Variants in OGT observed in about 807,000 individuals in gnomAD.
OGT encodes UDP-N-acetylglucosamine--peptide N-acetylglucosaminyltransferase 110 kDa subunit.
Under a neutral mutation model 75.8 loss-of-function variants are expected in OGT, and 3 were observed. The observed-to-expected ratio is 0.04, with a 90% CI of 0.02 to 0.10. OGT has a LOEUF of 0.10. OGT is among the 10% of genes least tolerant of loss of function. The pLI is 1.00. For missense variants in OGT, 260 were observed against 824.4 expected (o/e 0.32, Z 8.38); for synonymous variants, 257 against 289.7 (o/e 0.89, Z 1.15).
intron 3 of OGT, among the ~76,000 whole-genome samples, chrX:71,540,316 C>T (rs1401370604): frequency 1.8e-5 from 2 of 112,184 alleles, no homozygotes; most frequent in African/African-American, 3.2e-5. Context: ...TAGAACCTTG[C>T]GTCTGTTCCT....
Position 71,554,563 on chromosome X carries a change from T to C in OGT, c.699T>C (p.Asn233=). 3 of 1,209,101 alleles carry C rather than the reference T, an allele frequency of 2.5e-6. No homozygotes were observed. Among genetic ancestry groups the C allele is most frequent in the Non-Finnish European group, 3.4e-6 (3 of 893,150 alleles). ...NFLDAYINLG[N]VLKEARIFDR... is the part of the protein sequence containing the mutation. ...TGGATGCTTATATCAATTTAGGAAA[T>C]GTCTTGAAAGAGGCACGCATTTTTG... Residue 233 remains asparagine, a synonymous_variant, in exon 6 of 22, where the codon AAT becomes AAC. Transcript: ENST00000373719.
chrX:71,552,124 A>G (rs2040309057), intron 5 of OGT, among the ~76,000 whole-genome samples: 1 of 108,788 alleles, frequency 9.2e-6, no homozygotes, highest in Admixed American at 9.8e-5. Flanking sequence ...TAGGAGGCTG[A>G]GGCAGGAGAA....
At position 71,539,083 on chromosome X, in the gene OGT, C is replaced by T. The variant is rs187102894; in HGVS notation, c.462+1011C>T. Reference sequence around the variant, plus strand: ...TATTAATAGATATTAAAACCTGAGTCTGAATATCCTCAAAGCAAATGTTGA... The same window carrying T: ...TATTAATAGATATTAAAACCTGAGTTTGAATATCCTCAAAGCAAATGTTGA... On this transcript the variant is annotated intron_variant, in intron 3 of 21. Coordinates refer to ENST00000373719, the MANE Select transcript of OGT (RefSeq NM_181672.3). Among the ~76,000 whole-genome samples, 4 of 112,323 alleles carry T rather than the reference C, an allele frequency of 3.6e-5. No individual in the cohort carries two copies. In the East Asian group the frequency reaches 1.1e-3, roughly 31 times the overall value.
At chrX:71,570,666 CTTA>C (rs1225562497) in intron 21 of OGT, among the ~76,000 whole-genome samples, 1 of 111,314 alleles carries the variant, frequency 9.0e-6, no homozygotes, top group Non-Finnish European at 1.9e-5. Context: ...ATGTTAGCTA[CTTA>C]TTATTTTCAG....
At chrX:71,533,820 C>A (rs1318446941) in intron 1 of OGT, among the ~76,000 whole-genome samples, 6 of 109,741 alleles carry the variant, frequency 5.5e-5, no homozygotes, top group Non-Finnish European at 1.1e-4. Context: ...GGGTGCCGTT[C>A]CGATGTAATC....
At chrX:71,573,510 T>G in intron 21 of OGT, 110 bp from the exon 22 acceptor site, 2 of 573,009 alleles carry the variant, frequency 3.5e-6, no homozygotes, top group South Asian at 6.9e-5. Context: ...TGAGATAGCG[T>G]AGAGTTTGGT....
chrX:71,563,420 T>A lies in OGT; in HGVS notation c.2357T>A (p.Val786Asp). 1 of 1,206,341 alleles carries A rather than the reference T, an allele frequency of 8.3e-7. No individual in the cohort carries two copies. Among genetic ancestry groups the A allele is most frequent in the Non-Finnish European group, 1.1e-6 (1 of 890,684 alleles). ...CCTATGAATACTATTGCAGAAGCAGTTATTGAAATGATTAACCGAGGACAG... is the reference window on the plus strand; with the variant it reads ...CCTATGAATACTATTGCAGAAGCAGATATTGAAATGATTAACCGAGGACAG... ...VIPMNTIAEA[V>D]IEMINRGQIQ... Residue 786 changes from valine to aspartate, a missense_variant, in exon 18 of 22, where the codon GTT becomes GAT. This residue lies in a region of OGT where 79 missense variants were observed against 141.0 expected (regional missense o/e 0.56). Transcript: ENST00000373719.
chrX:71,555,174 G>A lies in OGT; in HGVS notation c.729-16G>A, dbSNP rs1485256805. 21 of 1,131,184 alleles carry A rather than the reference G, an allele frequency of 1.9e-5. No homozygotes were observed. The highest frequency in any genetic ancestry group is 2.5e-5 in the Non-Finnish European group (21 of 837,453). The allele number at this position is 1,131,184 out of a possible 1,213,427, so 93.2% of individuals were successfully genotyped here. On this transcript the variant is annotated splice_polypyrimidine_tract_variant and intron_variant, in intron 6 of 21. Coordinates refer to ENST00000373719, the MANE Select transcript of OGT (RefSeq NM_181672.3). ...TGTGTGTGTGTGTGTGTGTGTGTGT[G>A]TGTGTTTATTTACAGAGCTGTGGCA... is the stretch of plus-strand genomic sequence containing the variant.
chrX:71,533,147 G>A lies in OGT; in HGVS notation c.-153G>A, dbSNP rs111342620. ...GTAGATGGTCAATTAGAGTTCCCAG[G>A]GTTTGAAGCCTGTAACTGCTGCCGC... On this transcript the variant is annotated 5_prime_UTR_variant, in exon 1 of 22. Coordinates refer to ENST00000373719, the MANE Select transcript of OGT (RefSeq NM_181672.3). 596 of 515,870 alleles carry A rather than the reference G, an allele frequency of 1.2e-3. 4 individuals carry two copies. The highest frequency in any genetic ancestry group is 0.011 in the African/African-American group (490 of 43,026). The allele number at this position is 515,870 out of a possible 1,213,427, so 42.5% of individuals were successfully genotyped here. A position where few individuals can be genotyped will look rare whatever the true frequency, so the allele number is the denominator to read the frequency against.
Position 71,561,640 on chromosome X carries a change from G to A in OGT, c.1852-135G>A, listed in dbSNP as rs747409208. 82 of 477,737 alleles carry A rather than the reference G, an allele frequency of 1.7e-4. No homozygotes were observed. The African/African-American group carries it at 2.1e-3, about 12-fold the overall frequency. The allele number at this position is 477,737 out of a possible 1,213,427, so 39.4% of individuals were successfully genotyped here. Reference sequence around the variant, plus strand: ...GCCCGAATTAATGTAGTTAATTTGTGTTCTTACCTCTTTTCCATCTGGGAA... The same window carrying A: ...GCCCGAATTAATGTAGTTAATTTGTATTCTTACCTCTTTTCCATCTGGGAA... On this transcript the variant is annotated intron_variant, in intron 14 of 21. Coordinates refer to ENST00000373719, the MANE Select transcript of OGT (RefSeq NM_181672.3).
At position 71,537,959 on chromosome X, in the gene OGT, C is replaced by T. The variant is rs1317050680; in HGVS notation, c.349C>T (p.Arg117Cys). The change falls in exon 3 of 22, where the codon CGT (arginine) becomes TGT (cysteine). Residue 117 changes from arginine to cysteine, a missense_variant. Arg to Cys is a radical substitution (Grantham distance 180). Coordinates refer to ENST00000373719, the MANE Select transcript of OGT (RefSeq NM_181672.3). ...AATTGAGCATTATCGACATGCATTG[C>T]GTCTCAAACCTGATTTCATCGATGG... is the stretch of plus-strand genomic sequence containing the variant. ...EAIEHYRHAL[R>C]LKPDFIDGYI... 5.0e-6 allele frequency: 6 copies of T among 1,211,670 alleles called. No individual in the cohort carries two copies. Among genetic ancestry groups the T allele is most frequent in the Middle Eastern group, 2.3e-4 (1 of 4,355 alleles).
intron 1 of OGT, among the ~76,000 whole-genome samples, chrX:71,534,689 A>G (rs992816008): frequency 4.5e-5 from 5 of 111,298 alleles, no homozygotes; most frequent in African/African-American, 6.5e-5. Context: ...TCTGTACTGG[A>G]TTCTGTACTA....
At chrX:71,540,306 T>C (rs925283877) in intron 3 of OGT, among the ~76,000 whole-genome samples, 1 of 112,508 alleles carries the variant, frequency 8.9e-6, no homozygotes, top group Non-Finnish European at 1.9e-5. Flanking sequence ...TCAGTACTGG[T>C]AGAACCTTGC....
At chrX:71,559,815 G>T in intron 14 of OGT, 138 bp downstream of exon 14, 1 of 461,296 alleles carries the variant, frequency 2.2e-6, no homozygotes. Context: ...TTATTTCCTT[G>T]ATCATTTGTG....
intron 5 of OGT, among the ~76,000 whole-genome samples, chrX:71,550,953 G>C (rs966128448): frequency 9.0e-6 from 1 of 111,317 alleles, no homozygotes. Context: ...AGTTAGACTG[G>C]AGGAATAAGT....
At chrX:71,537,738 A>C in intron 2 of OGT, 91 bp from the exon 3 acceptor site, 1 of 1,040,549 alleles carries the variant, frequency 9.6e-7, no homozygotes, top group Non-Finnish European at 1.3e-6. Flanking sequence ...GAGCAATAGC[A>C]CAGATCTCAA....
At chrX:71,552,229 C>T (rs933475884) in intron 5 of OGT, among the ~76,000 whole-genome samples, 1 of 108,971 alleles carries the variant, frequency 9.2e-6, no homozygotes. Flanking sequence ...ACTCCGTCTC[C>T]AAAAATAAAT....
At chrX:71,548,781 G>A in intron 5 of OGT, among the ~76,000 whole-genome samples, 2 of 110,771 alleles carry the variant, frequency 1.8e-5, no homozygotes, top group Non-Finnish European at 3.8e-5. Context: ...AGGAGTGTGA[G>A]GGTACAAAAA....
At chrX:71,570,356 G>A (rs1426885754) in intron 21 of OGT, among the ~76,000 whole-genome samples, 2 of 111,616 alleles carry the variant, frequency 1.8e-5, no homozygotes, top group Admixed American at 1.9e-4. Flanking sequence ...CTTAAATGAG[G>A]TTTTTCTTTC....
Sources: gnomAD v4.1 joint callset for allele counts (sites outside exome capture counted in the v4.1 genomes callset) on GRCh38, gnomAD v4.1.1 for gene constraint, gnomAD v4.1.1 regional missense constraint, MANE v1.5 for transcripts, NCBI Gene and HGNC (gene_info 2026-07-23, HGNC 2026-07-21) for gene names.